The following TRPM8 variants were observed in gnomAD, a reference collection of about 807,000 sequenced individuals.
TRPM8 encodes the protein transient receptor potential cation channel subfamily M member 8, also known as TRPM8 cationic channel.
Under a neutral mutation model 133.7 loss-of-function variants are expected in TRPM8, and 110 were observed. That is an observed-to-expected ratio of 0.82 (90% confidence interval 0.70 to 0.96). TRPM8 has a LOEUF of 0.96. TRPM8 is among the 40% of genes least tolerant of loss of function. The pLI is 0.00. For missense variants in TRPM8, 1,291 were observed against 1,379.5 expected, an observed-to-expected ratio of 0.94 and a Z score of 1.02; for synonymous variants, 535 against 532.3, an observed-to-expected ratio of 1.01 and a Z score of -0.07.
At chr2:233,999,200 C>G (rs1692486141) in intron 22 of TRPM8, among the ~76,000 whole-genome samples, 1 of 152,070 alleles carries the variant, frequency 6.6e-6, no homozygotes, top group African/African-American at 2.4e-5. Flanking sequence ...GCCTCTGTTC[C>G]TTGAAGCATC....
At chr2:233,941,808 A>G (rs1690910967) in intron 5 of TRPM8, among the ~76,000 whole-genome samples, 2 of 152,234 alleles carry the variant, frequency 1.3e-5, no homozygotes, top group Admixed American at 6.5e-5. Flanking sequence ...TAAAAAGGCC[A>G]GTGTACAAAA....
chr2:233,986,952 G>A (rs990610733), intron 21 of TRPM8, among the ~76,000 whole-genome samples: 1 of 152,208 alleles, frequency 6.6e-6, no homozygotes, highest in African/African-American at 2.4e-5. Context: ...GAAAGTTAAA[G>A]GGAGTCTCTG....
Position 233,939,189 on chromosome 2 carries a change from C to T in TRPM8, c.526+14C>T. ...CGCAGTCCAAAGGTGAGGGTGGGAG[C>T]AGCGACCGCGGGTTCTTCCATTCGG... is the stretch of plus-strand genomic sequence containing the variant. On this transcript the variant is annotated intron_variant, in intron 5 of 25. Coordinates refer to ENST00000324695, the MANE Select transcript of TRPM8 (RefSeq NM_024080.5). 6.2e-7 allele frequency: 1 copy of T among 1,611,724 alleles called. No homozygotes were observed. Among genetic ancestry groups the T allele is most frequent in the Non-Finnish European group, 8.5e-7 (1 of 1,178,548 alleles).
At chr2:233,985,340 C>T (rs530691711) in intron 20 of TRPM8, among the ~76,000 whole-genome samples, 101 of 152,314 alleles carry the variant, frequency 6.6e-4, no homozygotes, top group African/African-American at 2.4e-3. Context: ...GAGCACTGTG[C>T]GTGTCCTTCT....
rs1239476716 is a variant in TRPM8, at chr2:233,969,735, A to T, written c.2066A>T (p.Asp689Val). 6.2e-7 allele frequency: 1 copy of T among 1,613,954 alleles called. No homozygotes were observed. Among genetic ancestry groups the T allele is most frequent in the Admixed American group, 1.7e-5 (1 of 60,014 alleles). The change falls in exon 16 of 26, where the codon GAC becomes GTC. Residue 689 changes from aspartate (D) to valine (V), a missense_variant. By Grantham distance (152) the Asp-to-Val change is radical. This residue lies in a region of TRPM8 where 963 missense variants were observed against 968.9 expected (regional missense o/e 0.99). Transcript: ENST00000324695. Reference sequence around the variant, plus strand: ...CAATGGTATGGAGAGATTTCCCGAGACACCAAGAACTGGAAGATTATCCTG... The same window carrying T: ...CAATGGTATGGAGAGATTTCCCGAGTCACCAAGAACTGGAAGATTATCCTG... ...SKQWYGEISRDTKNWKIILCL... is the reference protein window; with the variant it reads ...SKQWYGEISRVTKNWKIILCL...
At chr2:233,918,188 T>C (rs1691339294) in intron 1 of TRPM8, among the ~76,000 whole-genome samples, 1 of 152,036 alleles carries the variant, frequency 6.6e-6, no homozygotes, top group Non-Finnish European at 1.5e-5. Flanking sequence ...ATGAGAGAAG[T>C]TTTAGCTTGT....
intron 17 of TRPM8, among the ~76,000 whole-genome samples, chr2:233,976,191 C>T (rs149097560): frequency 8.5e-5 from 13 of 152,168 alleles, no homozygotes; most frequent in African/African-American, 1.2e-4. Flanking sequence ...CAGGAGCTTT[C>T]GAGGAGAGGA....
chr2:233,937,506 G>A lies in TRPM8; in HGVS notation c.345G>A (p.Gly115=). The change falls in exon 4 of 26, where the codon GGG becomes GGA. Residue 115 remains glycine (G), a synonymous_variant. Coordinates refer to ENST00000324695, the MANE Select transcript of TRPM8 (RefSeq NM_024080.5). ...AGTTTGAGACACTGGGGAAGAAAGG[G>A]AAGGTAAGCAATGGTTTTCTACTTT... The part of the protein sequence containing the change: ...DIQFETLGKK[G]KYIRLSCDTD... The A allele has an allele frequency of 6.2e-7, 1 of 1,612,626 alleles. No homozygotes were observed. The highest frequency in any genetic ancestry group is 1.1e-5 in the South Asian group (1 of 90,664).
In TRPM8 at chr2:234,014,606, C is replaced by A; in HGVS notation, c.3309C>A (p.Ile1103=). 5 of 1,537,136 alleles carry A rather than the reference C, an allele frequency of 3.3e-6. No individual in the cohort carries two copies. The highest frequency in any genetic ancestry group is 2.8e-5 in the African/African-American group (2 of 70,946). The part of the protein sequence containing the change: ...KGLLKEIANK[I]K Reference sequence around the variant, plus strand: ...TTCTGAAAGAGATTGCTAATAAAATCAAATAAAACTGTATGAACTCTAATG... The same window carrying A: ...TTCTGAAAGAGATTGCTAATAAAATAAAATAAAACTGTATGAACTCTAATG... Residue 1103 remains isoleucine (I), a synonymous_variant, in exon 25 of 26, where the codon ATC becomes ATA. Coordinates refer to ENST00000324695, the MANE Select transcript of TRPM8 (RefSeq NM_024080.5).
At chr2:233,990,903 A>G (rs928270783) in intron 21 of TRPM8, among the ~76,000 whole-genome samples, 6 of 152,206 alleles carry the variant, frequency 3.9e-5, no homozygotes, top group African/African-American at 1.4e-4. Context: ...GATGACATGG[A>G]AACATATGAA....
intron 24 of TRPM8, 141 bp downstream of exon 24, chr2:234,008,244 G>A (rs768603521): frequency 6.6e-5 from 54 of 813,752 alleles, no homozygotes; most frequent in Non-Finnish European, 8.7e-5. Context: ...CAGGGTGCTG[G>A]AATGGTATTG....
chr2:233,962,667 G>C (rs2125183802), intron 12 of TRPM8, among the ~76,000 whole-genome samples: 1 of 152,326 alleles, frequency 6.6e-6, no homozygotes, highest in South Asian at 2.1e-4. Flanking sequence ...ATATTCATGT[G>C]AAATTTCTCT....
At chr2:234,012,364 T>C (rs1692860680) in intron 24 of TRPM8, among the ~76,000 whole-genome samples, 1 of 152,034 alleles carries the variant, frequency 6.6e-6, no homozygotes, top group African/African-American at 2.4e-5. Context: ...AGCAGGATGG[T>C]CTCCATCTCC....
At chr2:234,008,675 T>C (rs950569760) in intron 24 of TRPM8, among the ~76,000 whole-genome samples, 14 of 152,142 alleles carry the variant, frequency 9.2e-5, no homozygotes, top group African/African-American at 3.4e-4. Flanking sequence ...ATCACGTTAG[T>C]TTGAGAATGG....
At chr2:234,017,250 G>A in intron 25 of TRPM8, 49 bp from the exon 26 acceptor site, 1 of 467,120 alleles carries the variant, frequency 2.1e-6, no homozygotes, top group Non-Finnish European at 4.4e-6. Flanking sequence ...CCTGAGAATG[G>A]AAGTGGGAAA....
chr2:234,008,199 G>A (rs76495981), intron 24 of TRPM8, 96 bp downstream of exon 24: 28,836 of 1,242,250 alleles, frequency 0.023, 425 homozygotes, highest in Non-Finnish European at 0.029. Context: ...AATAAAAGAA[G>A]TTATATTCAG....
At chr2:233,944,495 T>C (rs1057119775) in intron 6 of TRPM8, among the ~76,000 whole-genome samples, 50 of 152,300 alleles carry the variant, frequency 3.3e-4, no homozygotes, top group African/African-American at 1.2e-3. Flanking sequence ...AGAGCCCATT[T>C]CCTGGCAACA....
At chr2:233,920,512 G>GTA (rs1691386745) in intron 1 of TRPM8, among the ~76,000 whole-genome samples, 2 of 152,346 alleles carry the variant, frequency 1.3e-5, no homozygotes. Context: ...CTGCCATGGA[G>GTA]ATAATTCCAT....
chr2:233,994,735 G>A (rs937711973), intron 21 of TRPM8, among the ~76,000 whole-genome samples: 1 of 152,108 alleles, frequency 6.6e-6, no homozygotes, highest in African/African-American at 2.4e-5. Context: ...ATGTACTAAG[G>A]TGCAAGAATG....
Sources: allele counts gnomAD v4.1 joint callset (sites outside exome capture counted in the v4.1 genomes callset), GRCh38; gene constraint gnomAD v4.1.1; regional missense constraint gnomAD v4.1.1; transcripts MANE v1.5; gene names NCBI Gene and HGNC (gene_info 2026-07-23, HGNC 2026-07-21).